GRID2: variants seen among roughly 807,000 people sequenced by gnomAD.
The protein encoded by GRID2 is glutamate receptor ionotropic, delta-2.
Under a neutral mutation model 114.8 loss-of-function variants are expected in GRID2, and 33 were observed. That is an observed-to-expected ratio of 0.29 (90% confidence interval 0.22 to 0.38). The LOEUF (loss-of-function observed/expected upper bound fraction) is 0.38, where lower values mean the gene tolerates loss of function less well. GRID2 is among the 10% of genes least tolerant of loss of function. GRID2 has a pLI of 1.00. For synonymous variants in GRID2, 505 were observed against 449.9 expected, an observed-to-expected ratio of 1.12 and a Z score of -1.55; for missense variants, 1,184 against 1,257.7, an observed-to-expected ratio of 0.94 and a Z score of 0.89.
At chr4:93,630,307 C>T (rs919493700) in intron 14 of GRID2, among the ~76,000 whole-genome samples, 31 of 152,228 alleles carry the variant, frequency 2.0e-4, no homozygotes, top group African/African-American at 6.3e-4. Flanking sequence ...CTTGTAACTT[C>T]TTAGTTTAAA....
intron 8 of GRID2, among the ~76,000 whole-genome samples, chr4:93,288,101 T>A (rs1482211520): frequency 6.6e-6 from 1 of 152,214 alleles, no homozygotes; most frequent in Non-Finnish European, 1.5e-5. Flanking sequence ...AATTTTTAAA[T>A]ATAGATTTGC....
intron 1 of GRID2, among the ~76,000 whole-genome samples, chr4:92,411,624 C>CGTGTGTGTGTGTGTGT (rs1731305671): frequency 8.8e-5 from 8 of 90,904 alleles, no homozygotes; most frequent in African/African-American, 4.2e-4. Flanking sequence ...GATATATATG[C>CGTGTGTGTGTGTGTGT]ATGTGTGTGT....
intron 2 of GRID2, among the ~76,000 whole-genome samples, chr4:92,709,586 A>AT (rs1560545302): frequency 2.0e-3 from 263 of 131,628 alleles, no homozygotes; most frequent in African/African-American, 6.8e-3. Context: ...AAAAAAAAAA[A>AT]AAAATATATA....
chr4:93,728,920 T>A (rs935595479), intron 14 of GRID2, among the ~76,000 whole-genome samples: 6 of 152,188 alleles, frequency 3.9e-5, no homozygotes, highest in African/African-American at 7.2e-5. Context: ...AACACACTGA[T>A]GGGTATTGAC....
At chr4:92,713,426 A>T (rs143386310) in intron 2 of GRID2, among the ~76,000 whole-genome samples, 5,068 of 146,776 alleles carry the variant, frequency 0.035, 133 homozygotes, top group East Asian at 0.078. Context: ...AATAAAATTT[A>T]AAAAAATTAG....
In GRID2 at chr4:92,838,375, A is replaced by C. The variant is rs1423827408; in HGVS notation, c.245-246620A>C. 2.0e-5 allele frequency among the ~76,000 whole-genome samples: 3 copies of C among 152,038 alleles called. No homozygotes were observed. In the East Asian group the frequency reaches 5.8e-4, roughly 29 times the overall value. ...TGATGTGTGTCTTTGTGAGCATGAAACATCTTTTTTATGATAATAGTCTAC... is the reference window on the plus strand; with the variant it reads ...TGATGTGTGTCTTTGTGAGCATGAACCATCTTTTTTATGATAATAGTCTAC... On this transcript the variant is annotated intron_variant, in intron 2 of 15. Coordinates refer to ENST00000282020, the MANE Select transcript of GRID2 (RefSeq NM_001510.4).
At chr4:92,513,296 C>T (rs1240638557) in intron 1 of GRID2, among the ~76,000 whole-genome samples, 1 of 151,808 alleles carries the variant, frequency 6.6e-6, no homozygotes, top group Non-Finnish European at 1.5e-5. Context: ...TTGATCAGTA[C>T]AAGCAGGTTT....
At chr4:93,196,022 C>T (rs922782254) in intron 4 of GRID2, among the ~76,000 whole-genome samples, 19 of 152,080 alleles carry the variant, frequency 1.2e-4, no homozygotes, top group African/African-American at 4.6e-4. Flanking sequence ...TTTCAACTGA[C>T]TTTTTGTTAC....
At chr4:92,729,183 A>G (rs968142386) in intron 2 of GRID2, among the ~76,000 whole-genome samples, 3 of 151,860 alleles carry the variant, frequency 2.0e-5, no homozygotes, top group African/African-American at 4.8e-5. Flanking sequence ...GTTAAACTAT[A>G]TTTTTTTGAC....
intron 8 of GRID2, among the ~76,000 whole-genome samples, chr4:93,291,514 A>G (rs1004473146): frequency 6.6e-6 from 1 of 151,522 alleles, no homozygotes; most frequent in Non-Finnish European, 1.5e-5. Context: ...TTCCAAAACT[A>G]GGTTCAAAAA....
intron 10 of GRID2, among the ~76,000 whole-genome samples, chr4:93,433,451 A>G (rs1479637803): frequency 1.3e-5 from 2 of 152,238 alleles, no homozygotes; most frequent in Non-Finnish European, 2.9e-5. Context: ...GAGTCTCATT[A>G]ATAAATAACA....
At chr4:92,882,792 A>G (rs1746117341) in intron 2 of GRID2, among the ~76,000 whole-genome samples, 1 of 150,084 alleles carries the variant, frequency 6.7e-6, no homozygotes, top group Non-Finnish European at 1.5e-5. Flanking sequence ...GCATATGTCT[A>G]AAAAATGTAC....
chr4:92,910,402 A>T (rs1489762161), intron 2 of GRID2, among the ~76,000 whole-genome samples: 4 of 152,090 alleles, frequency 2.6e-5, no homozygotes, highest in Non-Finnish European at 4.4e-5. Flanking sequence ...GGAGATTTAG[A>T]ACCTCCAGAT....
chr4:93,168,852 A>G (rs1321336781), intron 4 of GRID2, among the ~76,000 whole-genome samples: 1 of 152,144 alleles, frequency 6.6e-6, no homozygotes, highest in Non-Finnish European at 1.5e-5. Context: ...AGTACTGAAA[A>G]TGTGGTCCAT....
chr4:92,639,411 C>CT (rs1731236827), intron 2 of GRID2, among the ~76,000 whole-genome samples: 4 of 151,698 alleles, frequency 2.6e-5, no homozygotes. Context: ...TATGTTCTTG[C>CT]TTAAGGAACT....
At chr4:93,091,033 A>C (rs190171187) in intron 3 of GRID2, among the ~76,000 whole-genome samples, 1 of 152,256 alleles carries the variant, frequency 6.6e-6, no homozygotes, top group Non-Finnish European at 1.5e-5. Flanking sequence ...TCTTTTTGTA[A>C]ATAAAATTCC....
At chr4:93,375,635 A>G (rs1322539238) in intron 8 of GRID2, among the ~76,000 whole-genome samples, 1 of 152,166 alleles carries the variant, frequency 6.6e-6, no homozygotes, top group Non-Finnish European at 1.5e-5. Context: ...ACTTGTTTGA[A>G]GTGTGAGTTA....
In GRID2 at chr4:93,170,755, C is replaced by T. The variant is rs180684464; in HGVS notation, c.736-36649C>T. The stretch of plus-strand genomic sequence containing the variant: ...CCTTTGAATTACAGTCTTACATACC[C>T]GACTGCCTATTGCGCACATCCACTT... On this transcript the variant is annotated intron_variant, in intron 4 of 15. Transcript: ENST00000282020. 6.5e-3 allele frequency among the ~76,000 whole-genome samples: 987 copies of T among 152,126 alleles called. 26 individuals carry two copies. Among genetic ancestry groups the T allele is most frequent in the Admixed American group, 0.057 (865 of 15,274 alleles).
chr4:92,478,497 C>T (rs1269231190), intron 1 of GRID2, among the ~76,000 whole-genome samples: 1 of 152,058 alleles, frequency 6.6e-6, no homozygotes, highest in Non-Finnish European at 1.5e-5. Flanking sequence ...ATGCATTTTT[C>T]TTTAGTGTCT....
Sources: allele counts gnomAD v4.1 joint callset (sites outside exome capture counted in the v4.1 genomes callset), GRCh38; gene constraint gnomAD v4.1.1; transcripts MANE v1.5; gene names NCBI Gene and HGNC (gene_info 2026-07-23, HGNC 2026-07-21).